Variants in ANKK1 observed in about 807,000 individuals in gnomAD.
ANKK1 encodes the protein ankyrin repeat and kinase domain containing 1.
Under a neutral mutation model 37.6 loss-of-function variants are expected in ANKK1, and 37 were observed. The ratio of observed to expected loss-of-function variants is 0.98; its 90% CI spans 0.76 to 1.29. The LOEUF (loss-of-function observed/expected upper bound fraction) is 1.29, where lower values mean the gene tolerates loss of function less well. Ranked by LOEUF, ANKK1 falls within the 50% of genes most tolerant of loss-of-function variation. The pLI is 0.00. For missense variants in ANKK1, 1,019 were observed against 990.6 expected (o/e 1.03, Z -0.39); for synonymous variants, 415 against 418.7 (o/e 0.99, Z 0.11).
At chr11:113,389,076 A>G (rs888645992) in intron 1 of ANKK1, among the ~76,000 whole-genome samples, 4 of 152,126 alleles carry the variant, frequency 2.6e-5, no homozygotes, top group African/African-American at 9.7e-5. Context: ...GAAAAATAAG[A>G]TCGCCTAAGG....
Position 113,387,999 on chromosome 11 carries a change from G to A in ANKK1, c.115G>A (p.Ala39Thr). The A allele has an allele frequency of 1.3e-6, 2 of 1,570,522 alleles. No homozygotes were observed. Among genetic ancestry groups the A allele is most frequent in the East Asian group, 2.3e-5 (1 of 42,722 alleles). ...ASGGFSQVFQ[A>T]RHRRWRTEYA... ...CGGCGGCTTCAGCCAGGTGTTCCAG[G>A]CGCGGCACAGGCGCTGGCGGACGGA... is the stretch of plus-strand genomic sequence containing the variant. The change falls in exon 1 of 8, where the codon GCG becomes ACG. Residue 39 changes from alanine to threonine, a missense_variant. Ala to Thr is a moderately conservative substitution (Grantham distance 58). Coordinates refer to ENST00000303941, the MANE Select transcript of ANKK1 (RefSeq NM_178510.2).
At position 113,400,342 on chromosome 11, in the gene ANKK1, A is replaced by C. The variant is rs1178778212; in HGVS notation, c.*75A>C. On this transcript the variant is annotated 3_prime_UTR_variant, in exon 8 of 8. Transcript: ENST00000303941. ...GAGGCTGAGGCAGGCAGATCACCTG[A>C]TATCAAGAGTTTGAGGCCAGCCTGG... 2.2e-6 allele frequency: 3 copies of C among 1,383,716 alleles called. No individual in the cohort carries two copies. Among genetic ancestry groups the C allele is most frequent in the East Asian group, 5.0e-5 (2 of 39,718 alleles). The allele number at this position is 1,383,716 out of a possible 1,614,324, so 85.7% of individuals were successfully genotyped here.
chr11:113,393,645 G>A lies in ANKK1; in HGVS notation c.350G>A (p.Trp117Ter), dbSNP rs1476361805. 3 of 1,613,784 alleles carry A rather than the reference G, an allele frequency of 1.9e-6. No individual in the cohort carries two copies. In the African/African-American group the frequency reaches 4.0e-5, roughly 22 times the overall value. ...GTGCTGTCCACCCACAGCCTCTGCT[G>A]GAAGCTCAGGTTCCGCATCATCCAT... ...EKVLSTHSLC[W>*]KLRFRIIHET... The change falls in exon 2 of 8, where the codon TGG becomes TAG. Residue 117 changes from tryptophan (W) to a stop codon, truncating the protein, a stop_gained. Transcript: ENST00000303941. LOFTEE classifies it high-confidence loss of function.
At position 113,395,530 on chromosome 11, in the gene ANKK1, A is replaced by G; in HGVS notation, c.682+122A>G. 3 of 1,042,558 alleles carry G rather than the reference A, an allele frequency of 2.9e-6. No individual in the cohort carries two copies. In the South Asian group the frequency reaches 4.1e-5, roughly 14 times the overall value. 64.6% of individuals were successfully genotyped at this position (1,042,558 alleles called of 1,614,324 possible). ...AAGTTGCAGGTTTGTGTGGAACTGT[A>G]TTCTCTTCAGGGATTCCTCTCCTCA... On this transcript the variant is annotated intron_variant, in intron 4 of 7. Transcript: ENST00000303941.
rs1051551088 is a variant in ANKK1, at chr11:113,400,052, C to T, written c.2083C>T (p.Pro695Ser). The T allele has an allele frequency of 6.8e-6, 11 of 1,613,416 alleles. No individual in the cohort carries two copies. Among genetic ancestry groups the T allele is most frequent in the Non-Finnish European group, 8.5e-6 (10 of 1,179,826 alleles). The change falls in exon 8 of 8, where the codon CCC becomes TCC. Residue 695 changes from proline (P) to serine (S), a missense_variant. Physicochemically the swap from Pro to Ser is moderately conservative, Grantham distance 74. Coordinates refer to ENST00000303941, the MANE Select transcript of ANKK1 (RefSeq NM_178510.2). ...CGCCCGCAACAAGGTGGGCTGGACACCCGCCCACCTGGCCGCCCTCAAGGG... is the reference window on the plus strand; with the variant it reads ...CGCCCGCAACAAGGTGGGCTGGACATCCGCCCACCTGGCCGCCCTCAAGGG... ...VHARNKVGWT[P>S]AHLAALKGNT...
At chr11:113,390,178 G>T (rs764417266) in intron 1 of ANKK1, among the ~76,000 whole-genome samples, 6 of 152,206 alleles carry the variant, frequency 3.9e-5, no homozygotes, top group Non-Finnish European at 5.9e-5. Context: ...CTCCATGAGA[G>T]TGTCTGTTTT....
chr11:113,395,371 C>T lies in ANKK1; in HGVS notation c.645C>T (p.Val215=), dbSNP rs372845149. Residue 215 remains valine, a synonymous_variant, in exon 4 of 8, where the codon GTC becomes GTT. Coordinates refer to ENST00000303941, the MANE Select transcript of ANKK1 (RefSeq NM_178510.2). Reference sequence around the variant, plus strand: ...TCTGCATCCACAGCTTTGCAATTGTCATCTGGGAGCTACTCACTCAGAAGA... The same window carrying T: ...TCTGCATCCACAGCTTTGCAATTGTTATCTGGGAGCTACTCACTCAGAAGA... ...PKYDVYSFAI[V]IWELLTQKKP... 1.8e-5 allele frequency: 29 copies of T among 1,613,804 alleles called. No individual in the cohort carries two copies. The African/African-American group carries it at 3.9e-4, about 22-fold the overall frequency.
rs556827862 is a variant in ANKK1, at chr11:113,390,596, G to T, written c.185+2527G>T. Reference sequence around the variant, plus strand: ...CTAAAAATACATAAATTAGCTGGGCGTGGTGGTGGGCACCTGTAGTCCCAG... The same window carrying T: ...CTAAAAATACATAAATTAGCTGGGCTTGGTGGTGGGCACCTGTAGTCCCAG... On this transcript the variant is annotated intron_variant, in intron 1 of 7. Coordinates refer to ENST00000303941, the MANE Select transcript of ANKK1 (RefSeq NM_178510.2). Among the ~76,000 whole-genome samples, 70 of 152,216 alleles carry T rather than the reference G, an allele frequency of 4.6e-4. 2 individuals are homozygous for T. Among genetic ancestry groups the T allele is most frequent in the Admixed American group, 4.6e-3 (70 of 15,298 alleles).
At chr11:113,395,448 A>G (rs1591261794) in intron 4 of ANKK1, 40 bp downstream of exon 4, 1 of 1,605,362 alleles carries the variant, frequency 6.2e-7, no homozygotes, top group Non-Finnish European at 8.5e-7. Context: ...GGGCAGGAGG[A>G]CCCCTGGGAT....
In ANKK1 at chr11:113,392,277, C is replaced by G. The variant is rs142254936; in HGVS notation, c.186-1204C>G. 2.0e-5 allele frequency among the ~76,000 whole-genome samples: 3 copies of G among 152,300 alleles called. No homozygotes were observed. The East Asian group carries it at 5.8e-4, about 29-fold the overall frequency. ...GGCAGTGTGATTCCCACATCCCATGCTTTTTTCCATGCCATGGCAGATGTC... is the reference window on the plus strand; with the variant it reads ...GGCAGTGTGATTCCCACATCCCATGGTTTTTTCCATGCCATGGCAGATGTC... On this transcript the variant is annotated intron_variant, in intron 1 of 7. Transcript: ENST00000303941.
rs555754435 is a variant in ANKK1 at position 113,397,510 on chromosome 11, G to T, written c.957+168G>T. 3.3e-5 allele frequency among the ~76,000 whole-genome samples: 5 copies of T among 152,356 alleles called. No individual in the cohort carries two copies. The East Asian group carries it at 9.6e-4, about 29-fold the overall frequency. ...TAATTTGCATGAAGGTACTCCAAGG[G>T]ATAGTGGTGGCTAGAGCACAGGGCC... On this transcript the variant is annotated intron_variant, in intron 6 of 7. Transcript: ENST00000303941.
In ANKK1 at chr11:113,395,072, T is replaced by C. The variant is rs1232457445; in HGVS notation, c.624T>C (p.Asp208=). 1.2e-6 allele frequency: 2 copies of C among 1,601,210 alleles called. No individual in the cohort carries two copies. The highest frequency in any genetic ancestry group is 1.7e-5 in the Admixed American group (1 of 58,444). The change falls in exon 3 of 8, where the codon GAT becomes GAC. Residue 208 remains aspartate (D), a synonymous_variant. Transcript: ENST00000303941. ...ESNKAPGPKY[D]VYSFAIVIWE... ...ACAAGGCCCCAGGACCTAAATATGA[T>C]GTGTACAGGTGAGAAGGAGGCCTGG... is the stretch of plus-strand genomic sequence containing the variant.
Position 113,395,073 on chromosome 11 carries a change from G to A in ANKK1, c.625G>A (p.Val209Met). 1.9e-6 allele frequency: 3 copies of A among 1,603,296 alleles called. No individual in the cohort carries two copies. Among genetic ancestry groups the A allele is most frequent in the East Asian group, 4.5e-5 (2 of 44,652 alleles). Reference sequence around the variant, plus strand: ...CAAGGCCCCAGGACCTAAATATGATGTGTACAGGTGAGAAGGAGGCCTGGC... The same window carrying A: ...CAAGGCCCCAGGACCTAAATATGATATGTACAGGTGAGAAGGAGGCCTGGC... The part of the protein sequence containing the change: ...SNKAPGPKYD[V>M]YSFAIVIWEL... The change falls in exon 3 of 8, where the codon GTG becomes ATG. Residue 209 changes from valine to methionine, a missense_variant. Coordinates refer to ENST00000303941, the MANE Select transcript of ANKK1 (RefSeq NM_178510.2).
In ANKK1 at chr11:113,398,026, G is replaced by T. The variant is rs1397342149; in HGVS notation, c.994+10G>T. 4 of 1,564,792 alleles carry T rather than the reference G, an allele frequency of 2.6e-6. No individual in the cohort carries two copies. Among genetic ancestry groups the T allele is most frequent in the Admixed American group, 3.8e-5 (2 of 52,722 alleles). On this transcript the variant is annotated intron_variant, in intron 7 of 7. Coordinates refer to ENST00000303941, the MANE Select transcript of ANKK1 (RefSeq NM_178510.2). ...GAACTGATGGACAGTGGTGAGTCTG[G>T]GTGCCACGGGCGGGACCAGAGAACT...
chr11:113,390,214 G>A (rs1188387486), intron 1 of ANKK1, among the ~76,000 whole-genome samples: 2 of 152,172 alleles, frequency 1.3e-5, no homozygotes, highest in African/African-American at 4.8e-5. Flanking sequence ...TCCTGTGCCT[G>A]GCACAGAGTT....
At chr11:113,390,638 G>C (rs1950580097) in intron 1 of ANKK1, among the ~76,000 whole-genome samples, 1 of 151,304 alleles carries the variant, frequency 6.6e-6, no homozygotes, top group East Asian at 2.0e-4. Context: ...AGGAGGTTGA[G>C]ATAGGAGAAT....
chr11:113,388,117 C>T (rs751405790), intron 1 of ANKK1, 48 bp downstream of exon 1: 67 of 1,435,432 alleles, frequency 4.7e-5, no homozygotes, highest in Middle Eastern at 3.9e-4. Flanking sequence ...AACTGAGGCC[C>T]GGCAAGCTTT....
intron 5 of ANKK1, 112 bp from the exon 6 acceptor site, chr11:113,397,112 G>T: frequency 1.2e-6 from 1 of 867,476 alleles, no homozygotes; most frequent in East Asian, 2.7e-5. Context: ...GAACATATGT[G>T]AGCCCAGGAA....
chr11:113,393,157 T>C (rs1950600870), intron 1 of ANKK1, among the ~76,000 whole-genome samples: 1 of 152,196 alleles, frequency 6.6e-6, no homozygotes, highest in African/African-American at 2.4e-5. Context: ...GCTCAAAATC[T>C]ACTAGGGGAG....
Sources: allele counts gnomAD v4.1 joint callset (sites outside exome capture counted in the v4.1 genomes callset), GRCh38; gene constraint gnomAD v4.1.1; transcripts MANE v1.5; gene names NCBI Gene and HGNC (gene_info 2026-07-23, HGNC 2026-07-21).